The following COG5 variants were observed in gnomAD, a reference collection of about 807,000 sequenced individuals.
COG5 encodes component of oligomeric golgi complex 5.
In COG5, 86 loss-of-function variants were observed where a neutral mutation model predicts 110.4. That is an observed-to-expected ratio of 0.78 (90% CI 0.65 to 0.93). The LOEUF (loss-of-function observed/expected upper bound fraction) is 0.93, where lower values mean the gene tolerates loss of function less well. Among genes scored for constraint, COG5 ranks in the 40% least tolerant of loss-of-function variants. The pLI is 0.00. For synonymous variants in COG5, 360 were observed against 334.6 expected (o/e 1.08, Z -0.83); for missense variants, 1,077 against 987.0 (o/e 1.09, Z -1.22).
At chr7:107,470,747 G>T (rs1361199113) in intron 6 of COG5, among the ~76,000 whole-genome samples, 1 of 151,902 alleles carries the variant, frequency 6.6e-6, no homozygotes, top group Non-Finnish European at 1.5e-5. Context: ...TTTCAAAAAT[G>T]CTTCTGTTTC....
chr7:107,516,454 TA>T (rs1799932496), intron 6 of COG5, among the ~76,000 whole-genome samples: 1 of 152,240 alleles, frequency 6.6e-6, no homozygotes, highest in Admixed American at 6.5e-5. Context: ...AAGAGCTTCT[TA>T]AATTTTGATG....
At chr7:107,355,559 G>A (rs138381828) in intron 10 of COG5, among the ~76,000 whole-genome samples, 19 of 152,212 alleles carry the variant, frequency 1.2e-4, no homozygotes, top group Non-Finnish European at 2.1e-4. Flanking sequence ...AACAAACTGA[G>A]GTATAGCTAG....
chr7:107,353,612 A>T (rs1248457226), intron 10 of COG5, among the ~76,000 whole-genome samples: 1 of 152,156 alleles, frequency 6.6e-6, no homozygotes, highest in East Asian at 1.9e-4. Flanking sequence ...TAGTTATCTC[A>T]ATTAAAAAAT....
intron 6 of COG5, among the ~76,000 whole-genome samples, chr7:107,514,415 G>C (rs1272721088): frequency 6.6e-6 from 1 of 151,384 alleles, no homozygotes; most frequent in African/African-American, 2.4e-5. Context: ...TCAATCAGAA[G>C]TCATTTTCTC....
At chr7:107,443,017 T>C (rs1584829312) in intron 6 of COG5, among the ~76,000 whole-genome samples, 1 of 152,224 alleles carries the variant, frequency 6.6e-6, no homozygotes, top group Non-Finnish European at 1.5e-5. Flanking sequence ...GGATGTTATA[T>C]CTCTCAAATT....
intron 11 of COG5, among the ~76,000 whole-genome samples, chr7:107,301,496 C>T (rs970381437): frequency 6.6e-6 from 1 of 152,180 alleles, no homozygotes; most frequent in African/African-American, 2.4e-5. Flanking sequence ...TACTCAACCT[C>T]TTTAGTCAAT....
At chr7:107,391,114 C>T (rs887447822) in intron 7 of COG5, among the ~76,000 whole-genome samples, 3 of 151,946 alleles carry the variant, frequency 2.0e-5, no homozygotes, top group Non-Finnish European at 4.4e-5. Flanking sequence ...GGGGGAGGGT[C>T]GGCAACGGTG....
At chr7:107,276,844 T>A (rs1175865960) in intron 14 of COG5, among the ~76,000 whole-genome samples, 1 of 152,198 alleles carries the variant, frequency 6.6e-6, no homozygotes, top group Admixed American at 6.5e-5. Flanking sequence ...CTTAGTAAAT[T>A]AATTATAACC....
chr7:107,350,153 G>C (rs922217682), intron 10 of COG5, among the ~76,000 whole-genome samples: 2 of 152,100 alleles, frequency 1.3e-5, no homozygotes, highest in Non-Finnish European at 2.9e-5. Flanking sequence ...TTTTCTTTTA[G>C]AGTTTCCTGG....
rs756634655 is a variant in COG5, at chr7:107,281,373, G to C, written c.1502C>G (p.Thr501Arg). 1 of 1,613,294 alleles carries C rather than the reference G, an allele frequency of 6.2e-7. No homozygotes were observed. The highest frequency in any genetic ancestry group is 8.5e-7 in the Non-Finnish European group (1 of 1,179,402). ...TTTTGACACAGCTAATGTGAGGTTT[G>C]TATCAACAGCAGCAACATTTAGTTC... ...ASELNVAAVD[T>R]NLTLAVSKNV... The change falls in exon 14 of 22, where the codon ACA becomes AGA. Residue 501 changes from threonine to arginine, a missense_variant. By Grantham distance (71) the Thr-to-Arg change is moderately conservative. Coordinates refer to ENST00000297135, the MANE Select transcript of COG5 (RefSeq NM_006348.5).
At chr7:107,442,205 G>A (rs1794744476) in intron 6 of COG5, among the ~76,000 whole-genome samples, 2 of 152,140 alleles carry the variant, frequency 1.3e-5, no homozygotes, top group Non-Finnish European at 2.9e-5. Flanking sequence ...AAAGTGTGCA[G>A]CACTTTCCCC....
chr7:107,308,227 A>G (rs1807900323), intron 11 of COG5, among the ~76,000 whole-genome samples: 1 of 152,184 alleles, frequency 6.6e-6, no homozygotes, highest in Non-Finnish European at 1.5e-5. Flanking sequence ...AATCTAAAAT[A>G]GTGTTTTTCA....
Position 107,511,222 on chromosome 7 carries a change from G to A in COG5, c.538+16015C>T, listed in dbSNP as rs187291733. Among the ~76,000 whole-genome samples, 259 of 152,156 alleles carry A rather than the reference G, an allele frequency of 1.7e-3. 6 individuals are homozygous for A. In the East Asian group the frequency reaches 0.045, roughly 26 times the overall value. ...AAATGATAAAGGGGATATCACCACC[G>A]ATCCCACAGAAATACAAACTACCAT... On this transcript the variant is annotated intron_variant, in intron 6 of 21. Coordinates refer to ENST00000297135, the MANE Select transcript of COG5 (RefSeq NM_006348.5).
rs190258181 is a variant in COG5 at position 107,543,774 on chromosome 7, G to A, written c.417+4337C>T. Among the ~76,000 whole-genome samples, 292 of 152,024 alleles carry A rather than the reference G, an allele frequency of 1.9e-3. 2 individuals carry two copies. Among genetic ancestry groups the A allele is most frequent in the African/African-American group, 6.6e-3 (275 of 41,484 alleles). On this transcript the variant is annotated intron_variant, in intron 5 of 21. Transcript: ENST00000297135. ...GACACAGGCTCCAAGCCTGCCCTAC[G>A]GGTCCACATTCCAAGTCAGCCCCTG...
At chr7:107,461,641 A>G (rs956647599) in intron 6 of COG5, among the ~76,000 whole-genome samples, 2 of 152,216 alleles carry the variant, frequency 1.3e-5, no homozygotes, top group Non-Finnish European at 2.9e-5. Context: ...TTATTCAAAT[A>G]TAATTCTGTA....
At position 107,449,449 on chromosome 7, in the gene COG5, A is replaced by G. The variant is rs1795202838; in HGVS notation, c.539-36817T>C. Among the ~76,000 whole-genome samples the G allele has an allele frequency of 2.0e-5, 3 of 152,226 alleles. No individual in the cohort carries two copies. In the South Asian group the frequency reaches 6.2e-4, roughly 31 times the overall value. On this transcript the variant is annotated intron_variant, in intron 6 of 21. Transcript: ENST00000297135. ...TATTGCTGTGATCTCAAGTGTTACA[A>G]TTATCCCCTTAAATGTTAAGTGATG... is the stretch of plus-strand genomic sequence containing the variant.
chr7:107,236,474 C>T lies in COG5; in HGVS notation c.2067G>A (p.Met689Ile). 6.2e-7 allele frequency: 1 copy of T among 1,614,064 alleles called. No individual in the cohort carries two copies. The highest frequency in any genetic ancestry group is 2.2e-5 in the East Asian group (1 of 44,878). The part of the protein sequence containing the change: ...LIRPLGEGGK[M>I]RLAADFAQME... ...CCTGTGCAAAATCAGCAGCAAGTCG[C>T]ATTTTCCCACCTTCACCAAGAGGTC... Residue 689 changes from methionine to isoleucine, a missense_variant, in exon 18 of 22, where the codon ATG (methionine) becomes ATA (isoleucine). Transcript: ENST00000297135.
At chr7:107,432,744 C>T (rs1194442103) in intron 6 of COG5, among the ~76,000 whole-genome samples, 2 of 151,902 alleles carry the variant, frequency 1.3e-5, no homozygotes, top group African/African-American at 4.8e-5. Context: ...TATAAAAAGT[C>T]CAGGGATGCA....
intron 8 of COG5, among the ~76,000 whole-genome samples, chr7:107,370,183 C>A (rs1032646163): frequency 1.3e-5 from 2 of 151,982 alleles, no homozygotes; most frequent in Admixed American, 1.3e-4. Flanking sequence ...CTCATGAATG[C>A]GACTGTCAAT....
Sources: allele counts gnomAD v4.1 joint callset (sites outside exome capture counted in the v4.1 genomes callset), GRCh38; gene constraint gnomAD v4.1.1; transcripts MANE v1.5; gene names NCBI Gene and HGNC (gene_info 2026-07-23, HGNC 2026-07-21).